The following TRPV2 variants were observed in gnomAD, a reference collection of about 807,000 sequenced individuals.
The protein encoded by TRPV2 is transient receptor potential cation channel subfamily V member 2.
TRPV2 carries 58 observed loss-of-function variants against 91.0 expected under a neutral mutation model. The ratio of observed to expected loss-of-function variants is 0.64; its 90% confidence interval spans 0.52 to 0.79. TRPV2 has a LOEUF of 0.79. TRPV2 is among the 30% of genes least tolerant of loss of function. TRPV2 has a pLI of 0.00. For synonymous variants in TRPV2, 417 were observed against 414.8 expected (o/e 1.01, Z -0.06); for missense variants, 807 against 969.6 (o/e 0.83, Z 2.23).
In TRPV2 at chr17:16,422,641, A is replaced by C; in HGVS notation, c.377A>C (p.Asn126Thr). 1 of 1,614,166 alleles carries C rather than the reference A, an allele frequency of 6.2e-7. No homozygotes were observed. The highest frequency in any genetic ancestry group is 8.5e-7 in the Non-Finnish European group (1 of 1,180,038). ...GKTCLMKAVL[N>T]LKDGVNACIL... ...ACGTGCCTGATGAAGGCTGTGCTGA[A>C]CCTTAAGGACGGAGTCAATGCCTGC... The change falls in exon 4 of 15, where the codon AAC becomes ACC. Residue 126 changes from asparagine to threonine, a missense_variant. Coordinates refer to ENST00000338560, the MANE Select transcript of TRPV2 (RefSeq NM_016113.5).
chr17:16,436,286 T>TA (rs1356103448), intron 14 of TRPV2, among the ~76,000 whole-genome samples: 3 of 152,176 alleles, frequency 2.0e-5, no homozygotes, highest in African/African-American at 7.2e-5. Context: ...TGCCTCCCAC[T>TA]ACCTGGAAGG....
At chr17:16,428,760 T>TGG in intron 9 of TRPV2, 57 bp from the exon 10 acceptor site, 1 of 1,604,772 alleles carries the variant, frequency 6.2e-7, no homozygotes, top group South Asian at 1.1e-5. Flanking sequence ...CATAGGCCAG[T>TGG]GGGGGCTCAG....
intron 12 of TRPV2, 108 bp from the exon 13 acceptor site, chr17:16,433,466 T>A: frequency 6.8e-7 from 1 of 1,476,722 alleles, no homozygotes; most frequent in Non-Finnish European, 9.1e-7. Flanking sequence ...TGACTTCGCG[T>A]TATACTGTGA....
intron 3 of TRPV2, among the ~76,000 whole-genome samples, chr17:16,421,562 C>T (rs549839316): frequency 6.8e-6 from 1 of 146,838 alleles, no homozygotes; most frequent in African/African-American, 2.5e-5. Context: ...TGCTCTGTCA[C>T]CCAGGCTGGA....
rs1214514037 is a variant in TRPV2 at position 16,431,816 on chromosome 17, G to C, written c.1620G>C (p.Leu540=). 3 of 1,613,986 alleles carry C rather than the reference G, an allele frequency of 1.9e-6. No individual in the cohort carries two copies. Among genetic ancestry groups the C allele is most frequent in the African/African-American group, 1.3e-5 (1 of 74,898 alleles). Residue 540 remains leucine, a synonymous_variant, in exon 11 of 15, where the codon CTG becomes CTC. Transcript: ENST00000338560. Reference sequence around the variant, plus strand: ...TGCGGGACCTGCTGCGCTTCCTTCTGATCTACTTAGTCTTCCTTTTCGGCT... The same window carrying C: ...TGCGGGACCTGCTGCGCTTCCTTCTCATCTACTTAGTCTTCCTTTTCGGCT... ...VILRDLLRFL[L]IYLVFLFGFA...
intron 5 of TRPV2, among the ~76,000 whole-genome samples, chr17:16,424,657 C>A (rs909943965): frequency 1.4e-4 from 22 of 152,156 alleles, no homozygotes; most frequent in Admixed American, 3.9e-4. Context: ...CTTTTTATAT[C>A]TTTTGCCTAT....
rs1268448506 is a variant in TRPV2 at position 16,423,501 on chromosome 17, A to G, written c.658A>G (p.Lys220Glu). ...ELPLSLAACT[K>E]QWDVVSYLLE... Reference sequence around the variant, plus strand: ...ACCCCTCTCTTTGGCCGCTTGCACCAAGCAGTGGGATGTGGTAAGCTACCT... The same window carrying G: ...ACCCCTCTCTTTGGCCGCTTGCACCGAGCAGTGGGATGTGGTAAGCTACCT... The change falls in exon 5 of 15, where the codon AAG becomes GAG. Residue 220 changes from lysine (K) to glutamate (E), a missense_variant. By Grantham distance (56) the Lys-to-Glu change is moderately conservative. Transcript: ENST00000338560. 3.7e-6 allele frequency: 6 copies of G among 1,613,336 alleles called. No individual in the cohort carries two copies. The highest frequency in any genetic ancestry group is 5.1e-6 in the Non-Finnish European group (6 of 1,179,616).
intron 3 of TRPV2, among the ~76,000 whole-genome samples, chr17:16,420,983 G>A (rs2093353912): frequency 6.6e-6 from 1 of 152,150 alleles, no homozygotes. Flanking sequence ...ATACTAATTT[G>A]TAACGTGCTT....
At chr17:16,429,796 G>A (rs1324240074) in intron 10 of TRPV2, among the ~76,000 whole-genome samples, 5 of 151,868 alleles carry the variant, frequency 3.3e-5, no homozygotes, top group South Asian at 2.1e-4. Flanking sequence ...CCCCTTCCAC[G>A]GGGAGGGATT....
Position 16,422,777 on chromosome 17 carries a change from T to C in TRPV2, c.513T>C (p.Ile171=), listed in dbSNP as rs1555881442. ...GCCACAGCGCTCTGCACATCGCCAT[T>C]GAGAAGAGGAGTCTGCAGTGTGTGA... is the stretch of plus-strand genomic sequence containing the variant. ...YRGHSALHIA[I]EKRSLQCVKL... is the part of the protein sequence containing the mutation. Residue 171 remains isoleucine (I), a synonymous_variant, in exon 4 of 15, where the codon ATT becomes ATC. Coordinates refer to ENST00000338560, the MANE Select transcript of TRPV2 (RefSeq NM_016113.5). 6.3e-7 allele frequency: 1 copy of C among 1,574,856 alleles called. No homozygotes were observed. The highest frequency in any genetic ancestry group is 1.2e-5 in the South Asian group (1 of 86,514).
intron 2 of TRPV2, among the ~76,000 whole-genome samples, chr17:16,418,524 C>A (rs2093341825): frequency 6.6e-6 from 1 of 152,118 alleles, no homozygotes; most frequent in Admixed American, 6.6e-5. Flanking sequence ...GCCACAGAAG[C>A]CCCTTCTTCC....
rs2093385130 is a variant in TRPV2, at chr17:16,426,762, T to C, written c.1136T>C (p.Leu379Pro). 1 of 1,613,928 alleles carries C rather than the reference T, an allele frequency of 6.2e-7. No individual in the cohort carries two copies. The highest frequency in any genetic ancestry group is 1.7e-5 in the Admixed American group (1 of 59,974). ...RMVVLEPLNK[L>P]LQAKWDLLIP... ...GTCGTTTTGGAGCCCCTGAACAAAC[T>C]GCTGCAGGCGAAATGGGATCTGCTC... is the stretch of plus-strand genomic sequence containing the variant. The change falls in exon 7 of 15, where the codon CTG (leucine) becomes CCG (proline). Residue 379 changes from leucine (L) to proline (P), a missense_variant. Leu to Pro is a moderately conservative substitution (Grantham distance 98). Coordinates refer to ENST00000338560, the MANE Select transcript of TRPV2 (RefSeq NM_016113.5). The surrounding 1 kb of genome is among the most constrained non-coding windows in gnomAD (Gnocchi z 6.0).
At chr17:16,431,325 A>T (rs1292217806) in intron 10 of TRPV2, among the ~76,000 whole-genome samples, 4 of 113,114 alleles carry the variant, frequency 3.5e-5, no homozygotes, top group Non-Finnish European at 5.0e-5. Context: ...ACGAAGTCTC[A>T]CTCTGTAGCC....
Position 16,423,673 on chromosome 17 carries a change from G to T in TRPV2, c.830G>T (p.Gly277Val), listed in dbSNP as rs2093369085. The change falls in exon 5 of 15, where the codon GGG becomes GTG. Residue 277 changes from glycine to valine, a missense_variant. Physicochemically the swap from Gly to Val is moderately radical, Grantham distance 109. Coordinates refer to ENST00000338560, the MANE Select transcript of TRPV2 (RefSeq NM_016113.5). ...TSMYDGLLQA[G>V]ARLCPTVQLE... is the part of the protein sequence containing the mutation. ...ATGTATGATGGGCTCCTCCAAGCTG[G>T]GGCCCGCCTCTGCCCTACCGTGCAG... 1 of 1,614,024 alleles carries T rather than the reference G, an allele frequency of 6.2e-7. No homozygotes were observed. The highest frequency in any genetic ancestry group is 8.5e-7 in the Non-Finnish European group (1 of 1,180,032).
intron 13 of TRPV2, chr17:16,434,634 C>A: frequency 2.2e-6 from 1 of 452,120 alleles, no homozygotes; most frequent in South Asian, 3.6e-5. Flanking sequence ...TCTGGTTGTT[C>A]TGGGCAACCC....
At chr17:16,429,703 G>A (rs2093401005) in intron 10 of TRPV2, among the ~76,000 whole-genome samples, 2 of 152,130 alleles carry the variant, frequency 1.3e-5, no homozygotes, top group African/African-American at 2.4e-5. Context: ...GGGGTGCTTG[G>A]GACAGGGTGA....
rs750923538 is a variant in TRPV2, at chr17:16,428,358, G to T, written c.1392G>T (p.Ser464=). 6.2e-6 allele frequency: 10 copies of T among 1,614,052 alleles called. No individual in the cohort carries two copies. The highest frequency in any genetic ancestry group is 3.3e-4 in the Middle Eastern group (2 of 6,084). The change falls in exon 9 of 15, where the codon TCG becomes TCT. Residue 464 remains serine (S), a synonymous_variant. Coordinates refer to ENST00000338560, the MANE Select transcript of TRPV2 (RefSeq NM_016113.5). ...FWRRHVFIWI[S]FIDSYFEILF... ...GGCGCCACGTGTTCATCTGGATCTC[G>T]TTCATAGACAGCTACTTTGAAATCC...
In TRPV2 at chr17:16,417,031, C is replaced by T. The variant is rs979980790; in HGVS notation, c.-107-531C>T. Among the ~76,000 whole-genome samples the T allele has an allele frequency of 5.9e-4, 90 of 152,040 alleles. 1 individual carries two copies. Among genetic ancestry groups the T allele is most frequent in the African/African-American group, 1.2e-4 (5 of 41,408 alleles). On this transcript the variant is annotated intron_variant, in intron 1 of 14. Coordinates refer to ENST00000338560, the MANE Select transcript of TRPV2 (RefSeq NM_016113.5). ...TTCCAGGAAGTCCCAGAGGAAAAGT[C>T]GGGGACAGTCATGGCTCTTCCTGGG...
intron 12 of TRPV2, among the ~76,000 whole-genome samples, chr17:16,432,660 G>A (rs1323341275): frequency 1.3e-5 from 2 of 151,934 alleles, no homozygotes; most frequent in Non-Finnish European, 2.9e-5. Context: ...CCGGCCTCAG[G>A]TGATCCTCCC....
Sources: allele counts gnomAD v4.1 joint callset (sites outside exome capture counted in the v4.1 genomes callset), GRCh38; gene constraint gnomAD v4.1.1; non-coding constraint Gnocchi (gnomAD v3.1); transcripts MANE v1.5; gene names NCBI Gene and HGNC (gene_info 2026-07-23, HGNC 2026-07-21).